The following SPECC1L variants were observed in gnomAD, a reference collection of about 807,000 sequenced individuals.
SPECC1L encodes sperm antigen with calponin homology and coiled-coil domains 1 like, also known as cytospin-A.
In SPECC1L, 40 loss-of-function variants were observed where a neutral mutation model predicts 116.8. The ratio of observed to expected loss-of-function variants is 0.34; its 90% CI spans 0.27 to 0.45. SPECC1L has a LOEUF of 0.45. SPECC1L is among the 20% of genes least tolerant of loss of function. The probability of loss-of-function intolerance (pLI) is 1.00; values close to 1 mark genes in which losing one functional copy is unlikely to be tolerated. For missense variants in SPECC1L, 1,110 were observed against 1,373.6 expected (o/e 0.81, Z 3.03); for synonymous variants, 504 against 500.6 (o/e 1.01, Z -0.09).
At chr22:24,370,868 G>C (rs1601297114) in intron 14 of SPECC1L, among the ~76,000 whole-genome samples, 1 of 151,150 alleles carries the variant, frequency 6.6e-6, no homozygotes, top group East Asian at 2.0e-4. Flanking sequence ...AATACCTAGA[G>C]TTAGTAATAT....
At chr22:24,398,402 ACAAT>A (rs1441840184) in intron 14 of SPECC1L, among the ~76,000 whole-genome samples, 3 of 152,230 alleles carry the variant, frequency 2.0e-5, no homozygotes, top group Non-Finnish European at 4.4e-5. Context: ...AGTGCCACCA[ACAAT>A]CAAAGTGCAG....
chr22:24,332,642 T>C (rs1353191852), intron 8 of SPECC1L, among the ~76,000 whole-genome samples: 1 of 152,196 alleles, frequency 6.6e-6, no homozygotes, highest in African/African-American at 2.4e-5. Context: ...TTTAGCTGTT[T>C]ACTCTTAAGC....
At chr22:24,330,190 T>C (rs1336355591) in intron 7 of SPECC1L, 66 bp from the exon 8 acceptor site, 1 of 1,553,838 alleles carries the variant, frequency 6.4e-7, no homozygotes, top group Admixed American at 1.7e-5. Flanking sequence ...ATAAACAAAT[T>C]TTATTGCTTT....
At chr22:24,287,168 G>A (rs1180799060) in intron 2 of SPECC1L, among the ~76,000 whole-genome samples, 1 of 152,192 alleles carries the variant, frequency 6.6e-6, no homozygotes, top group East Asian at 1.9e-4. Flanking sequence ...GTTTTCAGGG[G>A]TAGGAACAGT....
chr22:24,289,912 A>T (rs1442209477), intron 2 of SPECC1L, among the ~76,000 whole-genome samples: 3 of 152,170 alleles, frequency 2.0e-5, no homozygotes, highest in Non-Finnish European at 2.9e-5. Context: ...GTTAAACGAC[A>T]ATGGCAACAT....
chr22:24,355,500 TTGTC>T (rs749072341), intron 11 of SPECC1L, among the ~76,000 whole-genome samples: 6 of 152,000 alleles, frequency 3.9e-5, no homozygotes, highest in South Asian at 4.2e-4. Flanking sequence ...ACTATCTTAT[TTGTC>T]TGTCTGTCTG....
At chr22:24,401,167 G>C (rs1182609914) in intron 14 of SPECC1L, among the ~76,000 whole-genome samples, 1 of 152,154 alleles carries the variant, frequency 6.6e-6, no homozygotes, top group Non-Finnish European at 1.5e-5. Context: ...TCCAAATAGG[G>C]TTCTCACATT....
intron 14 of SPECC1L, among the ~76,000 whole-genome samples, chr22:24,372,344 G>C (rs2041888008): frequency 6.6e-6 from 1 of 152,124 alleles, no homozygotes; most frequent in Non-Finnish European, 1.5e-5. Flanking sequence ...GAGAATTTTA[G>C]ATCAATATCC....
At chr22:24,382,265 A>G (rs1214045886) in intron 14 of SPECC1L, among the ~76,000 whole-genome samples, 1 of 152,164 alleles carries the variant, frequency 6.6e-6, no homozygotes, top group Admixed American at 6.5e-5. Context: ...GGCGGTGGCT[A>G]ACTCTTCACA....
Position 24,338,446 on chromosome 22 carries a change from C to T in SPECC1L, c.2621C>T (p.Thr874Ile), listed in dbSNP as rs2041106878. The T allele has an allele frequency of 1.2e-6, 2 of 1,614,120 alleles. No homozygotes were observed. Among genetic ancestry groups the T allele is most frequent in the Non-Finnish European group, 1.7e-6 (2 of 1,180,008 alleles). Residue 874 changes from threonine to isoleucine, a missense_variant, in exon 10 of 17, where the codon ACC becomes ATC. Thr to Ile is a moderately conservative substitution (Grantham distance 89). Transcript: ENST00000314328. ...CCCCTGAGCCCAAGTCCTATGAAAA[C>T]CCCTCCTGCAGCAGCTGTGTCCCCT... ...RTPLSPSPMK[T>I]PPAAAVSPMQ... is the part of the protein sequence containing the mutation.
At position 24,395,155 on chromosome 22, in the gene SPECC1L, A is replaced by G. The variant is rs141648871; in HGVS notation, c.3088-16433A>G. Among the ~76,000 whole-genome samples the G allele has an allele frequency of 7.9e-5, 12 of 152,324 alleles. No homozygotes were observed. In the East Asian group the frequency reaches 9.6e-4, roughly 12 times the overall value. Reference sequence around the variant, plus strand: ...AAATTCTTAATTTTAATAACATGCAATTTATACATTTTTTCTTTTATGAAG... The same window carrying G: ...AAATTCTTAATTTTAATAACATGCAGTTTATACATTTTTTCTTTTATGAAG... On this transcript the variant is annotated intron_variant, in intron 14 of 16. Coordinates refer to ENST00000314328, the MANE Select transcript of SPECC1L (RefSeq NM_015330.6).
intron 4 of SPECC1L, among the ~76,000 whole-genome samples, chr22:24,316,312 G>A (rs990311422): frequency 2.7e-5 from 4 of 145,504 alleles, no homozygotes; most frequent in African/African-American, 1.1e-4. Context: ...ATCATTCTTG[G>A]GTGTTTCTCG....
intron 3 of SPECC1L, among the ~76,000 whole-genome samples, chr22:24,305,372 CT>C (rs1219630941): frequency 6.6e-6 from 1 of 152,224 alleles, no homozygotes; most frequent in Non-Finnish European, 1.5e-5. Context: ...ACCATTCTAA[CT>C]TCTAGCACCA....
intron 4 of SPECC1L, among the ~76,000 whole-genome samples, chr22:24,318,115 G>A (rs972436371): frequency 1.4e-5 from 2 of 146,636 alleles, no homozygotes; most frequent in Non-Finnish European, 2.9e-5. Context: ...CTTCCCAGAC[G>A]GGGTGGGGCC....
intron 14 of SPECC1L, among the ~76,000 whole-genome samples, chr22:24,393,303 A>G (rs2042305724): frequency 6.6e-6 from 1 of 152,188 alleles, no homozygotes; most frequent in African/African-American, 2.4e-5. Flanking sequence ...TTGCCTCACA[A>G]ATGAGAGGGA....
Position 24,321,832 on chromosome 22 carries a change from T to C in SPECC1L, c.852T>C (p.Asn284=). The C allele has an allele frequency of 6.2e-7, 1 of 1,614,160 alleles. No homozygotes were observed. Among genetic ancestry groups the C allele is most frequent in the Non-Finnish European group, 8.5e-7 (1 of 1,180,026 alleles). ...TTTCCCTAGAGCAGAGGTTAGACAA[T>C]TCTGAAAAACTGTTTGGCTATCAGT... The part of the protein sequence containing the change: ...LGFSLEQRLD[N]SEKLFGYQSL... The change falls in exon 5 of 17, where the codon AAT becomes AAC. Residue 284 remains asparagine, a synonymous_variant. Coordinates refer to ENST00000314328, the MANE Select transcript of SPECC1L (RefSeq NM_015330.6).
chr22:24,330,503 T>C (rs1455968187), intron 8 of SPECC1L, 72 bp downstream of exon 8: 17 of 1,532,228 alleles, frequency 1.1e-5, no homozygotes, highest in Admixed American at 8.4e-5. Context: ...TTTGATGTGG[T>C]GCTATGGAAA....
At chr22:24,379,932 C>G (rs1237519980) in intron 14 of SPECC1L, among the ~76,000 whole-genome samples, 1 of 152,186 alleles carries the variant, frequency 6.6e-6, no homozygotes, top group East Asian at 1.9e-4. Context: ...GGCACAATCT[C>G]GGCTCACTGC....
rs1450936168 is a variant in SPECC1L at position 24,317,780 on chromosome 22, G to A, written c.308-3508G>A. Among the ~76,000 whole-genome samples the A allele has an allele frequency of 3.3e-5, 5 of 151,362 alleles. No homozygotes were observed. The South Asian group carries it at 1.0e-3, about 31-fold the overall frequency. ...ACTTCTCAGACGGGGCGGCTGCTGG[G>A]CGGAGGGGCTCCTCACTTCTCAGAC... On this transcript the variant is annotated intron_variant, in intron 4 of 16. Coordinates refer to ENST00000314328, the MANE Select transcript of SPECC1L (RefSeq NM_015330.6).
Sources: allele counts gnomAD v4.1 joint callset (sites outside exome capture counted in the v4.1 genomes callset), GRCh38; gene constraint gnomAD v4.1.1; transcripts MANE v1.5; gene names NCBI Gene and HGNC (gene_info 2026-07-23, HGNC 2026-07-21).